Variants in UBAC2 observed in about 807,000 individuals in gnomAD.
UBAC2 encodes UBA domain containing 2.
A neutral mutation model predicts 44.0 loss-of-function variants in UBAC2; 26 were observed. The observed-to-expected ratio is 0.59, with a 90% CI of 0.43 to 0.82. UBAC2 has a LOEUF of 0.82. UBAC2 is among the 40% of genes least tolerant of loss of function. The pLI is 0.00. For missense variants in UBAC2, 329 were observed against 419.4 expected (o/e 0.78, Z 1.88); for synonymous variants, 155 against 154.3 (o/e 1.00, Z -0.04).
chr13:99,206,239 G>A (rs1208775173), intron 1 of UBAC2, among the ~76,000 whole-genome samples: 1 of 152,208 alleles, frequency 6.6e-6, no homozygotes, highest in Admixed American at 6.5e-5. Flanking sequence ...GACATGAGTA[G>A]GTGAGAGTTA....
chr13:99,347,247 A>G (rs1268542246), intron 7 of UBAC2, among the ~76,000 whole-genome samples: 2 of 142,248 alleles, frequency 1.4e-5, no homozygotes, highest in Non-Finnish European at 3.0e-5. Flanking sequence ...GTGGCCAGGG[A>G]GCCTGCGGAG....
At chr13:99,281,808 A>G (rs2043957807) in intron 4 of UBAC2, among the ~76,000 whole-genome samples, 1 of 152,094 alleles carries the variant, frequency 6.6e-6, no homozygotes, top group South Asian at 2.1e-4. Context: ...AGAGGTACTT[A>G]CCTTATGGAT....
At chr13:99,376,662 G>A (rs1465284927) in intron 8 of UBAC2, among the ~76,000 whole-genome samples, 1 of 152,198 alleles carries the variant, frequency 6.6e-6, no homozygotes, top group Non-Finnish European at 1.5e-5. Context: ...TGGAAGACAG[G>A]AAAGCAAAGC....
chr13:99,354,156 A>T (rs2045140469), intron 7 of UBAC2, among the ~76,000 whole-genome samples: 1 of 152,218 alleles, frequency 6.6e-6, no homozygotes, highest in Non-Finnish European at 1.5e-5. Flanking sequence ...CACTGTCCAC[A>T]ACTGTGGCTC....
chr13:99,349,219 C>G (rs1257573889), intron 7 of UBAC2, among the ~76,000 whole-genome samples: 1 of 152,150 alleles, frequency 6.6e-6, no homozygotes, highest in African/African-American at 2.4e-5. Flanking sequence ...GTGCATGTCT[C>G]CCTCCCTTTG....
chr13:99,242,790 C>T (rs2043330887), intron 2 of UBAC2, among the ~76,000 whole-genome samples: 1 of 147,304 alleles, frequency 6.8e-6, no homozygotes, highest in Non-Finnish European at 1.5e-5. Flanking sequence ...CCTCACTTCC[C>T]AGACGGGGTG....
intron 8 of UBAC2, among the ~76,000 whole-genome samples, chr13:99,377,916 C>T (rs767117054): frequency 6.6e-5 from 10 of 152,222 alleles, no homozygotes; most frequent in Non-Finnish European, 1.3e-4. Context: ...CTCCAAAGCT[C>T]GGGTCTCCCT....
At position 99,242,333 on chromosome 13, in the gene UBAC2, AC is replaced by A. The variant is rs1188972419; in HGVS notation, c.160-1492del. On this transcript the variant is annotated intron_variant, in intron 2 of 8. Coordinates refer to ENST00000403766, the MANE Select transcript of UBAC2 (RefSeq NM_001144072.2). Reference sequence around the variant, plus strand: ...GGGCGGCTGGCCGGGCGGGGGGCTGACCCCCCCACCTCCCTCCCGGACGGGG... The same window carrying A: ...GGGCGGCTGGCCGGGCGGGGGGCTGACCCCCCACCTCCCTCCCGGACGGGG... Among the ~76,000 whole-genome samples, 50 of 133,738 alleles carry A rather than the reference AC, an allele frequency of 3.7e-4. No homozygotes were observed. The East Asian group carries it at 0.01, about 28-fold the overall frequency. 87.7% of individuals were successfully genotyped at this position (133,738 alleles called of 152,430 possible).
chr13:99,272,496 G>A (rs781174167), intron 4 of UBAC2, among the ~76,000 whole-genome samples: 3 of 152,268 alleles, frequency 2.0e-5, no homozygotes, highest in South Asian at 4.2e-4. Flanking sequence ...TAGTAAACTC[G>A]TGCTGTCATA....
chr13:99,344,019 T>C (rs545815223), intron 7 of UBAC2, among the ~76,000 whole-genome samples: 5 of 152,370 alleles, frequency 3.3e-5, no homozygotes, highest in Non-Finnish European at 4.4e-5. Flanking sequence ...CTTTTTCTTA[T>C]GGAGCTTAGG....
At chr13:99,213,198 G>A (rs571914300) in intron 1 of UBAC2, among the ~76,000 whole-genome samples, 1 of 151,456 alleles carries the variant, frequency 6.6e-6, no homozygotes, top group African/African-American at 2.4e-5. Context: ...ACGTGAGTTA[G>A]AATGATTATA....
chr13:99,315,349 C>G (rs1263089658), intron 5 of UBAC2, among the ~76,000 whole-genome samples: 1 of 152,180 alleles, frequency 6.6e-6, no homozygotes, highest in Non-Finnish European at 1.5e-5. Context: ...CCAGACCTCC[C>G]TCAGGAGACC....
intron 7 of UBAC2, among the ~76,000 whole-genome samples, chr13:99,364,975 G>T (rs1250890745): frequency 6.6e-6 from 1 of 152,184 alleles, no homozygotes; most frequent in African/African-American, 2.4e-5. Flanking sequence ...TGGAATTGCT[G>T]AGTCTCACAT....
intron 4 of UBAC2, among the ~76,000 whole-genome samples, chr13:99,291,706 A>G (rs1157011578): frequency 6.6e-6 from 1 of 152,226 alleles, no homozygotes; most frequent in African/African-American, 2.4e-5. Flanking sequence ...CTTCAAGGGC[A>G]TACGCTCTAT....
At chr13:99,253,537 G>A (rs902354847) in intron 4 of UBAC2, among the ~76,000 whole-genome samples, 2 of 150,568 alleles carry the variant, frequency 1.3e-5, no homozygotes, top group Admixed American at 6.6e-5. Context: ...TTTTTGAGAC[G>A]GAGTCTCGCT....
intron 7 of UBAC2, 39 bp from the exon 8 acceptor site, chr13:99,367,748 C>G: frequency 6.2e-7 from 1 of 1,613,536 alleles, no homozygotes; most frequent in Non-Finnish European, 8.5e-7. Flanking sequence ...TGATTCTGCT[C>G]CTTCTGTGTC....
At chr13:99,287,648 T>C (rs372231429) in intron 4 of UBAC2, among the ~76,000 whole-genome samples, 29,426 of 108,608 alleles carry the variant, frequency 0.27, 3,008 homozygotes, top group East Asian at 0.44. Context: ...TCTTTCTTTT[T>C]TTTTTTTTTT....
At chr13:99,278,923 C>CA (rs112770353) in intron 4 of UBAC2, among the ~76,000 whole-genome samples, 9 of 152,278 alleles carry the variant, frequency 5.9e-5, no homozygotes, top group African/African-American at 2.2e-4. Context: ...TATGGTTCCT[C>CA]ATGATCATCA....
rs10630757 is a variant in UBAC2 at position 99,247,873 on chromosome 13, CT to C, written c.389+3260del. On this transcript the variant is annotated intron_variant, in intron 4 of 8. Coordinates refer to ENST00000403766, the MANE Select transcript of UBAC2 (RefSeq NM_001144072.2). ...ACTTCCTATTTAATTCTCTCTCTCT[CT>C]TTTTTTTTTTACCTCACCACTATAT... Among the ~76,000 whole-genome samples, 1,455 of 148,724 alleles carry C rather than the reference CT, an allele frequency of 9.8e-3. 22 individuals are homozygous for C. The highest frequency in any genetic ancestry group is 0.034 in the African/African-American group (1,386 of 40,474).
Sources: allele counts gnomAD v4.1 joint callset (sites outside exome capture counted in the v4.1 genomes callset), GRCh38; gene constraint gnomAD v4.1.1; transcripts MANE v1.5; gene names NCBI Gene and HGNC (gene_info 2026-07-23, HGNC 2026-07-21).